MYO16: variants seen among roughly 807,000 people sequenced by gnomAD.
MYO16 encodes unconventional myosin-XVI.
Under a neutral mutation model 205.3 loss-of-function variants are expected in MYO16, and 94 were observed. The ratio of observed to expected loss-of-function variants is 0.46; its 90% CI spans 0.39 to 0.54. The LOEUF is 0.54. Ranked by LOEUF, MYO16 falls within the 20% of genes least tolerant of loss-of-function variation. The pLI is 0.00. For synonymous variants in MYO16, 988 were observed against 954.0 expected, an observed-to-expected ratio of 1.04 and a Z score of -0.66; for missense variants, 2,315 against 2,387.5, an observed-to-expected ratio of 0.97 and a Z score of 0.63.
chr13:109,159,073 T>G (rs1006809464), intron 32 of MYO16, among the ~76,000 whole-genome samples: 1 of 152,224 alleles, frequency 6.6e-6, no homozygotes, highest in African/African-American at 2.4e-5. Context: ...TTTAAAAAAC[T>G]ATGTATGGAC....
chr13:108,837,991 C>T (rs1877015894), intron 9 of MYO16, among the ~76,000 whole-genome samples: 1 of 151,738 alleles, frequency 6.6e-6, no homozygotes, highest in South Asian at 2.1e-4. Context: ...ATAAAACTCT[C>T]TGATAAAGAA....
chr13:108,516,853 C>G, the MYO16 span, among the ~76,000 whole-genome samples: 58 of 152,038 alleles, frequency 3.8e-4, no homozygotes, highest in African/African-American at 1.4e-3. Flanking sequence ...TGTGAGTATA[C>G]CAGAATGTAT....
At position 108,940,450 on chromosome 13, in the gene MYO16, G is replaced by A. The variant is rs117230578; in HGVS notation, c.1926-17238G>A. 3.0e-3 allele frequency among the ~76,000 whole-genome samples: 455 copies of A among 152,238 alleles called. 7 individuals carry two copies. In the East Asian group the frequency reaches 0.066, roughly 22 times the overall value. ...AAACTCTCTATGTGCATTCCAATTA[G>A]TAATGGAGTAAAATGTTAACAATTC... On this transcript the variant is annotated intron_variant, in intron 16 of 34. Coordinates refer to ENST00000457511, the MANE Select transcript of MYO16 (RefSeq NM_001198950.3).
At chr13:109,036,996 T>C (rs1449478694) in intron 23 of MYO16, among the ~76,000 whole-genome samples, 1 of 152,190 alleles carries the variant, frequency 6.6e-6, no homozygotes, top group Non-Finnish European at 1.5e-5. Context: ...TCTCTGCTGC[T>C]CCAGCAGCAC....
chr13:108,972,245 C>CTATATA (rs1374363684), intron 20 of MYO16, among the ~76,000 whole-genome samples: 11 of 8,602 alleles, frequency 1.3e-3, no homozygotes, highest in Non-Finnish European at 2.8e-3. Context: ...CTCTCTCTCT[C>CTATATA]TCTCTATATA....
At chr13:108,498,172 G>A in the MYO16 span, among the ~76,000 whole-genome samples, 6 of 152,196 alleles carry the variant, frequency 3.9e-5, no homozygotes, top group East Asian at 3.9e-4. Flanking sequence ...TGCCCTTTCC[G>A]GATCTCATCA....
chr13:108,817,141 T>C (rs1356558721), intron 7 of MYO16, among the ~76,000 whole-genome samples: 1 of 152,180 alleles, frequency 6.6e-6, no homozygotes. Context: ...GGCAATTTCT[T>C]ATAAAGTTAA....
chr13:108,834,656 TCTCTCTCTCTCTCA>T (rs879539190), intron 9 of MYO16, among the ~76,000 whole-genome samples: 3,097 of 96,452 alleles, frequency 0.032, 96 homozygotes, highest in African/African-American at 0.091. Context: ...TCTCTCTCTC[TCTCTCTCTCTCTCA>T]CACATATATA....
At chr13:108,829,676 GA>G (rs1044596631) in intron 9 of MYO16, among the ~76,000 whole-genome samples, 34 of 152,184 alleles carry the variant, frequency 2.2e-4, no homozygotes, top group African/African-American at 8.0e-4. Flanking sequence ...AGGGCCACAG[GA>G]AAAGGGACTG....
rs190035701 is a variant in MYO16, at chr13:108,772,427, C to T, written c.508-13208C>T. 2.6e-5 allele frequency among the ~76,000 whole-genome samples: 4 copies of T among 152,198 alleles called. No homozygotes were observed. The East Asian group carries it at 7.7e-4, about 29-fold the overall frequency. ...AAGTGCCTGTACCATTTTGCATTCC[C>T]ACAAGCAATGAAAAAGAGTGTCTGT... On this transcript the variant is annotated intron_variant, in intron 4 of 34. Coordinates refer to ENST00000457511, the MANE Select transcript of MYO16 (RefSeq NM_001198950.3).
At chr13:108,599,466 C>G (rs114515170) in intron 1 of MYO16, among the ~76,000 whole-genome samples, 4,334 of 152,158 alleles carry the variant, frequency 0.028, 185 homozygotes, top group African/African-American at 0.097. Context: ...TTGTGGTATT[C>G]TTTTTCATAA....
At chr13:109,092,499 G>A (rs531780712) in intron 27 of MYO16, among the ~76,000 whole-genome samples, 4 of 152,266 alleles carry the variant, frequency 2.6e-5, no homozygotes, top group South Asian at 4.1e-4. Context: ...CAAATACTGC[G>A]TGTTCTCACT....
intron 15 of MYO16, among the ~76,000 whole-genome samples, chr13:108,906,353 A>G (rs1212590005): frequency 6.6e-6 from 1 of 152,236 alleles, no homozygotes; most frequent in Admixed American, 6.5e-5. Flanking sequence ...CAGTAAATAT[A>G]GCCAGGCTAT....
chr13:108,960,274 CAA>C (rs369076417), intron 17 of MYO16, among the ~76,000 whole-genome samples: 9 of 127,440 alleles, frequency 7.1e-5, no homozygotes, highest in Admixed American at 1.6e-4. Flanking sequence ...AACCCTGTCT[CAA>C]AAAAAAAAAA....
At chr13:108,844,561 C>G (rs2139073387) in intron 10 of MYO16, 68 bp downstream of exon 10, 5 of 1,431,076 alleles carry the variant, frequency 3.5e-6, no homozygotes, top group Non-Finnish European at 4.7e-6. Flanking sequence ...TAAAATCCAA[C>G]ATATTTCAAA....
intron 33 of MYO16, among the ~76,000 whole-genome samples, chr13:109,176,596 A>AAAAAAAAAAAAAAAAAAAAAAAC (rs1879197229): frequency 6.7e-6 from 1 of 149,230 alleles, no homozygotes; most frequent in Non-Finnish European, 1.5e-5. Context: ...AAAAAAAAAA[A>AAAAAAAAAAAAAAAAAAAAAAAC]AAAAAGACCT....
intron 23 of MYO16, among the ~76,000 whole-genome samples, chr13:109,041,091 A>G (rs1886871002): frequency 6.6e-6 from 1 of 152,232 alleles, no homozygotes; most frequent in African/African-American, 2.4e-5. Flanking sequence ...GAAGTGAACC[A>G]TACAATTACA....
chr13:109,010,797 T>C (rs2056057242), intron 22 of MYO16, among the ~76,000 whole-genome samples: 1 of 151,956 alleles, frequency 6.6e-6, no homozygotes, highest in African/African-American at 2.4e-5. Flanking sequence ...TATTGTAATA[T>C]CAACACTTTA....
chr13:108,540,246 T>C, the MYO16 span, among the ~76,000 whole-genome samples: 7 of 152,188 alleles, frequency 4.6e-5, no homozygotes, highest in African/African-American at 1.7e-4. Context: ...ATGAGCAATG[T>C]AAATGGTAGA....
Sources: gnomAD v4.1 joint callset for allele counts (sites outside exome capture counted in the v4.1 genomes callset) on GRCh38, gnomAD v4.1.1 for gene constraint, MANE v1.5 for transcripts, NCBI Gene and HGNC (gene_info 2026-07-23, HGNC 2026-07-21) for gene names.